The following CDH12 variants were observed in gnomAD, a reference collection of about 807,000 sequenced individuals.
CDH12 encodes the protein cadherin-12.
A neutral mutation model predicts 74.1 loss-of-function variants in CDH12; 41 were observed. The observed-to-expected ratio is 0.55, with a 90% CI of 0.43 to 0.72. The LOEUF (loss-of-function observed/expected upper bound fraction) is 0.72, where lower values mean the gene tolerates loss of function less well. Among genes scored for constraint, CDH12 ranks in the 30% least tolerant of loss-of-function variants. The pLI, the probability that CDH12 is intolerant of heterozygous loss-of-function variation, is 0.00. For missense variants in CDH12, 945 were observed against 977.2 expected, an observed-to-expected ratio of 0.97 and a Z score of 0.44; for synonymous variants, 399 against 355.0, an observed-to-expected ratio of 1.12 and a Z score of -1.39.
At chr5:21,758,339 T>G (rs1744519358) in intron 13 of CDH12, among the ~76,000 whole-genome samples, 1 of 152,142 alleles carries the variant, frequency 6.6e-6, no homozygotes, top group Non-Finnish European at 1.5e-5. Flanking sequence ...TCAACTTGCT[T>G]CAGTGATAAA....
chr5:21,857,204 G>T (rs1253826312), intron 6 of CDH12, among the ~76,000 whole-genome samples: 1 of 151,840 alleles, frequency 6.6e-6, no homozygotes, highest in African/African-American at 2.4e-5. Flanking sequence ...AGAGCAGGAG[G>T]TTGTGGTTGG....
intron 1 of CDH12, among the ~76,000 whole-genome samples, chr5:22,738,209 T>C (rs1366111566): frequency 5.9e-5 from 9 of 152,058 alleles, no homozygotes; most frequent in Non-Finnish European, 1.2e-4. Context: ...CAGGGCTGTC[T>C]CGTGGAGCAG....
intron 1 of CDH12, among the ~76,000 whole-genome samples, chr5:22,635,719 G>T (rs1381185252): frequency 2.6e-5 from 4 of 152,036 alleles, no homozygotes; most frequent in Non-Finnish European, 5.9e-5. Flanking sequence ...ATCGAAACCG[G>T]CCTGACCAAC....
chr5:22,056,909 AT>A (rs202230560), intron 5 of CDH12, among the ~76,000 whole-genome samples: 7 of 151,288 alleles, frequency 4.6e-5, no homozygotes, highest in Middle Eastern at 3.4e-3. Flanking sequence ...ACCTGCTGTT[AT>A]TTTTTTTTAG....
chr5:22,244,518 AAAAAAAAAAAAAAAAGAAGAAGAAGAAG>A, intron 3 of CDH12, among the ~76,000 whole-genome samples: 1 of 22,444 alleles, frequency 4.5e-5, no homozygotes, highest in Non-Finnish European at 7.9e-5. Context: ...AAAAAAAAAA[AAAAAAAAAAAAAAAAGAAGAAGAAGAAG>A]AAGAAGAAGA....
At chr5:22,646,584 T>C (rs1739442929) in intron 1 of CDH12, among the ~76,000 whole-genome samples, 1 of 151,882 alleles carries the variant, frequency 6.6e-6, no homozygotes. Context: ...GAAATAATTG[T>C]TTTTCTCTTT....
At chr5:21,794,814 A>G (rs1438188069) in intron 10 of CDH12, among the ~76,000 whole-genome samples, 2 of 151,548 alleles carry the variant, frequency 1.3e-5, no homozygotes, top group African/African-American at 2.4e-5. Flanking sequence ...AAACTAACAC[A>G]CTATTTTTTC....
At chr5:22,153,862 A>G (rs1176954138) in intron 4 of CDH12, among the ~76,000 whole-genome samples, 4,258 of 88,008 alleles carry the variant, frequency 0.048, 168 homozygotes, top group African/African-American at 0.13. Context: ...GTGTGTGTAT[A>G]TATATATATG....
intron 6 of CDH12, among the ~76,000 whole-genome samples, chr5:21,933,183 T>C (rs1314579202): frequency 6.6e-6 from 1 of 152,148 alleles, no homozygotes; most frequent in Non-Finnish European, 1.5e-5. Flanking sequence ...AGTTTCATGG[T>C]TTTAATTCCC....
intron 4 of CDH12, among the ~76,000 whole-genome samples, chr5:22,210,908 T>C (rs895556266): frequency 5.9e-5 from 9 of 152,064 alleles, no homozygotes; most frequent in Non-Finnish European, 1.3e-4. Flanking sequence ...CAATTATCTT[T>C]AATTCTATTG....
chr5:22,651,604 G>C (rs1383622309), intron 1 of CDH12, among the ~76,000 whole-genome samples: 1 of 151,932 alleles, frequency 6.6e-6, no homozygotes, highest in Non-Finnish European at 1.5e-5. Flanking sequence ...TCTCTCCCTT[G>C]ACACATGGGG....
chr5:22,608,445 T>C (rs1222456978), intron 1 of CDH12, among the ~76,000 whole-genome samples: 3 of 152,192 alleles, frequency 2.0e-5, no homozygotes, highest in Non-Finnish European at 4.4e-5. Context: ...AGGAAGTAAC[T>C]AACTTGCTTT....
chr5:22,654,728 G>A (rs1048818719), intron 1 of CDH12, among the ~76,000 whole-genome samples: 9 of 150,682 alleles, frequency 6.0e-5, no homozygotes, highest in South Asian at 4.2e-4. Context: ...CCCTGCGTCC[G>A]GGTTCAAGCG....
At chr5:22,076,688 T>G (rs1742338744) in intron 5 of CDH12, among the ~76,000 whole-genome samples, 1 of 152,192 alleles carries the variant, frequency 6.6e-6, no homozygotes, top group South Asian at 2.1e-4. Flanking sequence ...ATTGTTATAT[T>G]CCACAATCAT....
At chr5:22,672,696 T>C (rs566378241) in intron 1 of CDH12, among the ~76,000 whole-genome samples, 61 of 152,218 alleles carry the variant, frequency 4.0e-4, no homozygotes, top group African/African-American at 1.1e-3. Flanking sequence ...GAAAATTAAA[T>C]AAGATAGGTG....
At chr5:22,308,330 AC>A (rs575113366) in intron 3 of CDH12, among the ~76,000 whole-genome samples, 24 of 152,278 alleles carry the variant, frequency 1.6e-4, no homozygotes, top group East Asian at 9.7e-4. Context: ...AGGATCACAG[AC>A]ATTTCCCTAA....
chr5:21,954,638 T>C (rs569903976), intron 6 of CDH12, among the ~76,000 whole-genome samples: 79 of 152,234 alleles, frequency 5.2e-4, no homozygotes, highest in Middle Eastern at 3.4e-3. Flanking sequence ...TCAGAGCATC[T>C]GCCTACTTAA....
Position 22,206,325 on chromosome 5 carries a change from A to T in CDH12, c.-187+6173T>A, listed in dbSNP as rs184001603. On this transcript the variant is annotated intron_variant, in intron 4 of 14. Transcript: ENST00000382254. ...CAGATAACTTGCGTGCCTGTTCTTAAGGTTTGAGAGTTGCTGGTCTACAGC... is the reference window on the plus strand; with the variant it reads ...CAGATAACTTGCGTGCCTGTTCTTATGGTTTGAGAGTTGCTGGTCTACAGC... Among the ~76,000 whole-genome samples, 138 of 152,314 alleles carry T rather than the reference A, an allele frequency of 9.1e-4. 1 individual carries two copies. The highest frequency in any genetic ancestry group is 3.1e-3 in the African/African-American group (127 of 41,574).
intron 2 of CDH12, among the ~76,000 whole-genome samples, chr5:22,494,472 T>G (rs924649752): frequency 4.6e-5 from 7 of 152,256 alleles, no homozygotes; most frequent in Non-Finnish European, 7.3e-5. Flanking sequence ...TTATTTACAT[T>G]TATTCATCTC....
Sources: gnomAD v4.1 joint callset for allele counts (sites outside exome capture counted in the v4.1 genomes callset) on GRCh38, gnomAD v4.1.1 for gene constraint, MANE v1.5 for transcripts, NCBI Gene and HGNC (gene_info 2026-07-23, HGNC 2026-07-21) for gene names.